Variants in GABRA3 observed in about 807,000 individuals in gnomAD.
GABRA3 encodes gamma-aminobutyric acid type A receptor subunit alpha3, also known as gamma-aminobutyric acid receptor subunit alpha-3.
A neutral mutation model predicts 30.1 loss-of-function variants in GABRA3; 10 were observed. The ratio of observed to expected loss-of-function variants is 0.33; its 90% confidence interval spans 0.20 to 0.56. The LOEUF (loss-of-function observed/expected upper bound fraction) is 0.56, where lower values mean the gene tolerates loss of function less well. Ranked by LOEUF, GABRA3 falls within the 20% of genes least tolerant of loss-of-function variation. The pLI is 0.89. For synonymous variants in GABRA3, 151 were observed against 146.8 expected (o/e 1.03, Z -0.21); for missense variants, 233 against 392.0 (o/e 0.59, Z 3.42).
intron 5 of GABRA3, among the ~76,000 whole-genome samples, chrX:152,248,112 T>C (rs1054988370): frequency 9.0e-6 from 1 of 111,123 alleles, no homozygotes; most frequent in Non-Finnish European, 1.9e-5. Context: ...CACTGCCTTT[T>C]CTTGGACCTC....
At chrX:152,221,346 TTCTC>T (rs949224570) in intron 6 of GABRA3, among the ~76,000 whole-genome samples, 1 of 111,070 alleles carries the variant, frequency 9.0e-6, no homozygotes, top group Non-Finnish European at 1.9e-5. Flanking sequence ...CTCTCTCTCG[TTCTC>T]TCTCTCTCTT....
intron 5 of GABRA3, among the ~76,000 whole-genome samples, chrX:152,232,587 G>T (rs1938103895): frequency 9.2e-6 from 1 of 109,275 alleles, no homozygotes; most frequent in African/African-American, 3.3e-5. Flanking sequence ...GTGAAAAAGA[G>T]ATAATTTCAT....
At chrX:152,183,678 T>C (rs111888975) in intron 9 of GABRA3, among the ~76,000 whole-genome samples, 219 of 111,619 alleles carry the variant, frequency 2.0e-3, no homozygotes, top group African/African-American at 6.5e-3. Flanking sequence ...TTTTTTGATG[T>C]AGGTGTTTAT....
chrX:152,225,131 C>G (rs1482980118), intron 5 of GABRA3, among the ~76,000 whole-genome samples: 1 of 96,955 alleles, frequency 1.0e-5, no homozygotes, highest in African/African-American at 3.9e-5. Context: ...TCCTTAGACA[C>G]CCCCCCCAAG....
At chrX:152,443,518 T>C (rs1203100534) in intron 1 of GABRA3, among the ~76,000 whole-genome samples, 1 of 111,655 alleles carries the variant, frequency 9.0e-6, no homozygotes, top group Non-Finnish European at 1.9e-5. Context: ...GTATCTACAA[T>C]ATGTCAGACC....
At chrX:152,386,316 G>C (rs1420083318) in intron 1 of GABRA3, among the ~76,000 whole-genome samples, 1 of 110,392 alleles carries the variant, frequency 9.1e-6, no homozygotes, top group Non-Finnish European at 1.9e-5. Flanking sequence ...CACGTCCCTT[G>C]TAAGTTGGAT....
chrX:152,285,446 A>G (rs1157837674), intron 3 of GABRA3, among the ~76,000 whole-genome samples: 1 of 111,463 alleles, frequency 9.0e-6, no homozygotes, highest in Non-Finnish European at 1.9e-5. Flanking sequence ...CCTTCATTGT[A>G]ACCATTTGTT....
chrX:152,252,728 G>A (rs1033031081), intron 5 of GABRA3, among the ~76,000 whole-genome samples: 5 of 111,318 alleles, frequency 4.5e-5, no homozygotes, highest in African/African-American at 1.3e-4. Flanking sequence ...CTAAAGTAAC[G>A]GAAGTTTATT....
intron 4 of GABRA3, among the ~76,000 whole-genome samples, chrX:152,277,270 T>G (rs772087396): frequency 5.4e-5 from 6 of 111,093 alleles, no homozygotes; most frequent in African/African-American, 2.0e-4. Flanking sequence ...AACAGTTTTT[T>G]TTTTCTGCAT....
At chrX:152,435,658 T>C (rs1930761583) in intron 1 of GABRA3, among the ~76,000 whole-genome samples, 3 of 110,864 alleles carry the variant, frequency 2.7e-5, no homozygotes. Context: ...GACAGGTTGA[T>C]GGATGCAGCA....
chrX:152,241,379 C>T (rs1398939759), intron 5 of GABRA3, among the ~76,000 whole-genome samples: 4 of 100,029 alleles, frequency 4.0e-5, no homozygotes, highest in South Asian at 4.4e-4. Context: ...TCTCCAGCTG[C>T]GTGCTGGGAG....
chrX:152,446,194 T>C (rs970076914), intron 1 of GABRA3, among the ~76,000 whole-genome samples: 2 of 112,095 alleles, frequency 1.8e-5, no homozygotes, highest in African/African-American at 6.5e-5. Context: ...CCAGATATCA[T>C]CTATCACTAC....
At chrX:152,223,158 A>G (rs7064104) in intron 6 of GABRA3, among the ~76,000 whole-genome samples, 31,137 of 110,507 alleles carry the variant, frequency 0.28, 3,809 homozygotes, top group African/African-American at 0.46. Context: ...AAAGCTGTAG[A>G]TCACAACTTC....
chrX:152,207,223 TCA>T (rs745359215), intron 7 of GABRA3, among the ~76,000 whole-genome samples: 1 of 111,967 alleles, frequency 8.9e-6, no homozygotes, highest in South Asian at 3.7e-4. Flanking sequence ...AATTGTGGAT[TCA>T]CAGAGACAAG....
At position 152,166,550 on chromosome X, in the gene GABRA3, C is replaced by T. The variant is rs1207301959; in HGVS notation, c.*1678G>A. 9.0e-6 allele frequency: 1 copy of T among 110,942 alleles called. No homozygotes were observed. Among genetic ancestry groups the T allele is most frequent in the African/African-American group, 3.3e-5 (1 of 30,412 alleles). 9.1% of individuals were successfully genotyped at this position (110,942 alleles called of 1,213,427 possible). A position where few individuals can be genotyped will look rare whatever the true frequency, so the allele number is the denominator to read the frequency against. On this transcript the variant is annotated 3_prime_UTR_variant, in exon 10 of 10. Coordinates refer to ENST00000370314, the MANE Select transcript of GABRA3 (RefSeq NM_000808.4). ...CAGCTAATGATACACCCCTTAGGAG[C>T]TTTGTTCAGCCGGTGGGCAGGGAGA...
At chrX:152,195,158 A>G (rs934139551) in intron 8 of GABRA3, among the ~76,000 whole-genome samples, 1 of 112,045 alleles carries the variant, frequency 8.9e-6, no homozygotes, top group Non-Finnish European at 1.9e-5. Flanking sequence ...ACATTTTAAC[A>G]TGCAGGTTCT....
intron 3 of GABRA3, among the ~76,000 whole-genome samples, chrX:152,313,207 C>T (rs1344926958): frequency 6.3e-5 from 7 of 111,773 alleles, no homozygotes; most frequent in Non-Finnish European, 1.1e-4. Context: ...CTTAATGGAA[C>T]CCTGGAATTC....
At chrX:152,393,366 A>AC (rs1929545550) in intron 1 of GABRA3, 2 of 325,448 alleles carry the variant, frequency 6.1e-6, no homozygotes, top group Admixed American at 8.3e-5. Context: ...GTCATAGAAT[A>AC]TGAGTAAATA....
intron 7 of GABRA3, among the ~76,000 whole-genome samples, chrX:152,203,133 G>C (rs181936041): frequency 8.9e-6 from 1 of 111,841 alleles, no homozygotes; most frequent in African/African-American, 3.3e-5. Flanking sequence ...CAGGGACAAA[G>C]GGAGAGGGTC....
Sources: allele counts gnomAD v4.1 joint callset (sites outside exome capture counted in the v4.1 genomes callset), GRCh38; gene constraint gnomAD v4.1.1; transcripts MANE v1.5; gene names NCBI Gene and HGNC (gene_info 2026-07-23, HGNC 2026-07-21).